The following GOLGA3 variants were observed in gnomAD, a reference collection of about 807,000 sequenced individuals.
GOLGA3 encodes the protein golgin A3.
Under a neutral mutation model 169.4 loss-of-function variants are expected in GOLGA3, and 75 were observed. The ratio of observed to expected loss-of-function variants is 0.44; its 90% CI spans 0.37 to 0.54. The LOEUF (loss-of-function observed/expected upper bound fraction) is 0.54, where lower values mean the gene tolerates loss of function less well. GOLGA3 is among the 20% of genes least tolerant of loss of function. The probability of loss-of-function intolerance (pLI) is 0.00; values close to 1 mark genes in which losing one functional copy is unlikely to be tolerated. For synonymous variants in GOLGA3, 824 were observed against 822.4 expected (o/e 1.00, Z -0.03); for missense variants, 1,899 against 1,930.0 (o/e 0.98, Z 0.30).
chr12:132,800,867 G>A (rs993773571), intron 8 of GOLGA3, among the ~76,000 whole-genome samples: 4 of 152,162 alleles, frequency 2.6e-5, no homozygotes, highest in Non-Finnish European at 5.9e-5. Context: ...GCTGAGGTAG[G>A]AGAATAGCTT....
At chr12:132,781,533 G>C (rs1206465376) in intron 17 of GOLGA3, among the ~76,000 whole-genome samples, 2 of 152,158 alleles carry the variant, frequency 1.3e-5, no homozygotes, top group Non-Finnish European at 2.9e-5. Flanking sequence ...CTGAGAGACA[G>C]AGTGAGACTC....
At chr12:132,782,988 G>GGGTTT (rs1183872666) in intron 16 of GOLGA3, among the ~76,000 whole-genome samples, 2 of 152,166 alleles carry the variant, frequency 1.3e-5, no homozygotes, top group African/African-American at 4.8e-5. Context: ...GGGAGGTCAG[G>GGGTTT]GGTTTGAGAC....
At chr12:132,806,050 C>T (rs780599399) in intron 6 of GOLGA3, among the ~76,000 whole-genome samples, 4 of 152,162 alleles carry the variant, frequency 2.6e-5, no homozygotes, top group Admixed American at 6.5e-5. Flanking sequence ...CAGAGGAAAT[C>T]GCCCCACCAC....
chr12:132,798,888 G>A (rs780314091), intron 8 of GOLGA3, among the ~76,000 whole-genome samples: 8 of 152,336 alleles, frequency 5.3e-5, no homozygotes, highest in African/African-American at 1.7e-4. Context: ...CCAGACGCCC[G>A]ACAGGTGCCA....
In GOLGA3 at chr12:132,773,255, G is replaced by A. The variant is rs765635809; in HGVS notation, c.4347C>T (p.His1449=). The change falls in exon 24 of 24, where the codon CAC becomes CAT. Residue 1449 remains histidine, a synonymous_variant. Transcript: ENST00000450791. ...ACAGAGACTCGTGCACCGTCAGGGC[G>A]TGCTCCTCCATCTGGCGCTGCAGGC... ...MDSLQRQMEE[H]ALTVHESLSS... 177 of 1,499,176 alleles carry A rather than the reference G, an allele frequency of 1.2e-4. 1 individual carries two copies. Among genetic ancestry groups the A allele is most frequent in the East Asian group, 3.6e-4 (14 of 38,988 alleles). 92.9% of individuals were successfully genotyped at this position (1,499,176 alleles called of 1,614,324 possible).
At chr12:132,798,922 C>T (rs1949002101) in intron 8 of GOLGA3, among the ~76,000 whole-genome samples, 1 of 152,252 alleles carries the variant, frequency 6.6e-6, no homozygotes, top group Non-Finnish European at 1.5e-5. Flanking sequence ...GCCTTTTCAG[C>T]CAGCTAGGGC....
intron 7 of GOLGA3, among the ~76,000 whole-genome samples, chr12:132,802,243 T>C (rs1287761530): frequency 1.3e-5 from 2 of 152,220 alleles, no homozygotes; most frequent in Non-Finnish European, 2.9e-5. Context: ...CTCTGTTCAG[T>C]GTTTCCATTT....
At chr12:132,800,218 G>GA (rs774813500) in intron 8 of GOLGA3, among the ~76,000 whole-genome samples, 3 of 152,166 alleles carry the variant, frequency 2.0e-5, no homozygotes, top group Non-Finnish European at 2.9e-5. Context: ...TGTAACAGTC[G>GA]AGTGTGGTGG....
intron 3 of GOLGA3, 70 bp downstream of exon 3, chr12:132,816,470 G>A: frequency 6.7e-7 from 1 of 1,501,380 alleles, no homozygotes; most frequent in Non-Finnish European, 9.2e-7. Flanking sequence ...GAGTGCGCAG[G>A]GCACCTGCTC....
intron 11 of GOLGA3, among the ~76,000 whole-genome samples, chr12:132,794,638 A>G (rs922203962): frequency 8.1e-6 from 1 of 122,746 alleles, no homozygotes; most frequent in Admixed American, 7.9e-5. Context: ...TAGCTCCACA[A>G]AAGTCTCTCT....
intron 4 of GOLGA3, among the ~76,000 whole-genome samples, chr12:132,811,398 T>A (rs1593358076): frequency 6.6e-6 from 1 of 152,194 alleles, no homozygotes; most frequent in Non-Finnish European, 1.5e-5. Flanking sequence ...TCTCAGTTTA[T>A]CCTTTTTGTT....
intron 18 of GOLGA3, among the ~76,000 whole-genome samples, chr12:132,780,275 G>C (rs1302561793): frequency 2.0e-5 from 3 of 152,162 alleles, no homozygotes; most frequent in Non-Finnish European, 4.4e-5. Context: ...TCTGTGCCAG[G>C]TATGGCGGAG....
chr12:132,806,209 G>A (rs1045518396), intron 6 of GOLGA3, among the ~76,000 whole-genome samples: 3 of 152,178 alleles, frequency 2.0e-5, no homozygotes, highest in African/African-American at 7.2e-5. Flanking sequence ...CAACCCTCAC[G>A]ATCTTGGTGT....
chr12:132,787,464 C>T (rs1319309620), intron 13 of GOLGA3, among the ~76,000 whole-genome samples: 1 of 150,226 alleles, frequency 6.7e-6, no homozygotes, highest in African/African-American at 2.5e-5. Context: ...CTAGGAAACC[C>T]CAGGACCCCT....
At chr12:132,823,952 G>A (rs985891515) in intron 1 of GOLGA3, among the ~76,000 whole-genome samples, 37 of 151,690 alleles carry the variant, frequency 2.4e-4, no homozygotes, top group East Asian at 3.9e-4. Flanking sequence ...GCATGGCAGC[G>A]CGTGCCTGTA....
chr12:132,785,366 CA>C (rs1024482569), intron 15 of GOLGA3, among the ~76,000 whole-genome samples: 35 of 152,206 alleles, frequency 2.3e-4, no homozygotes, highest in African/African-American at 8.0e-4. Context: ...AGTGCAGCAG[CA>C]AAATCATGAC....
intron 13 of GOLGA3, among the ~76,000 whole-genome samples, chr12:132,787,698 CGG>C (rs1240648109): frequency 3.7e-4 from 33 of 89,266 alleles, no homozygotes; most frequent in Admixed American, 9.6e-4. Context: ...GACCCCTCCC[CGG>C]AGACCCCGGG....
At chr12:132,774,436 A>C (rs1199470278) in intron 22 of GOLGA3, 116 bp from the exon 23 acceptor site, 2 of 1,215,864 alleles carry the variant, frequency 1.6e-6, no homozygotes, top group Non-Finnish European at 2.3e-6. Context: ...GCCTCTGGGA[A>C]GGGGACCGTC....
chr12:132,802,047 A>G (rs977259546), intron 7 of GOLGA3, 78 bp from the exon 8 acceptor site: 82 of 1,111,078 alleles, frequency 7.4e-5, no homozygotes, highest in Non-Finnish European at 9.9e-5. Context: ...TGCGGGACAC[A>G]AGGCGGGACT....
Sources: allele counts gnomAD v4.1 joint callset (sites outside exome capture counted in the v4.1 genomes callset), GRCh38; gene constraint gnomAD v4.1.1; transcripts MANE v1.5; gene names NCBI Gene and HGNC (gene_info 2026-07-23, HGNC 2026-07-21).